Variants in PLEKHA7 observed in about 807,000 individuals in gnomAD.
PLEKHA7 encodes pleckstrin homology domain-containing family A member 7.
A neutral mutation model predicts 170.0 loss-of-function variants in PLEKHA7; 104 were observed. The observed-to-expected ratio is 0.61, with a 90% CI of 0.52 to 0.72. The LOEUF (loss-of-function observed/expected upper bound fraction) is 0.72. Among genes scored for constraint, PLEKHA7 ranks in the 30% least tolerant of loss-of-function variants. PLEKHA7 has a pLI of 0.00. For missense variants in PLEKHA7, 1,615 were observed against 1,671.7 expected, an observed-to-expected ratio of 0.97 and a Z score of 0.59; for synonymous variants, 648 against 660.8, an observed-to-expected ratio of 0.98 and a Z score of 0.30.
chr11:16,828,838 G>A (rs550337781), intron 9 of PLEKHA7, among the ~76,000 whole-genome samples: 1 of 152,176 alleles, frequency 6.6e-6, no homozygotes, highest in Admixed American at 6.5e-5. Flanking sequence ...CCTGGGACTT[G>A]GGTTGGAGCT....
At chr11:16,864,583 T>C (rs374462868) in intron 4 of PLEKHA7, among the ~76,000 whole-genome samples, 4 of 152,150 alleles carry the variant, frequency 2.6e-5, no homozygotes, top group South Asian at 2.1e-4. Flanking sequence ...TGGAAGGTAA[T>C]TGAATCATGG....
intron 26 of PLEKHA7, among the ~76,000 whole-genome samples, chr11:16,780,129 T>C (rs1048045673): frequency 6.6e-6 from 1 of 152,172 alleles, no homozygotes; most frequent in Non-Finnish European, 1.5e-5. Flanking sequence ...GATAGTGGGA[T>C]GGGATGTCAG....
At position 16,817,645 on chromosome 11, in the gene PLEKHA7, T is replaced by C. The variant is rs547885350; in HGVS notation, c.1344-323A>G. ...AGCTCTTTCAATGGCTATGCATATT[T>C]ATAGGAAAGGCCTCACAATTCTCCA... On this transcript the variant is annotated intron_variant, in intron 10 of 26. Coordinates refer to ENST00000531066, the MANE Select transcript of PLEKHA7 (RefSeq NM_001329630.2). The surrounding 1 kb of genome is among the most constrained non-coding windows in gnomAD (Gnocchi z 4.4). Among the ~76,000 whole-genome samples the C allele has an allele frequency of 6.6e-6, 1 of 152,324 alleles. No homozygotes were observed. The highest frequency in any genetic ancestry group is 1.9e-4 in the East Asian group (1 of 5,190).
At chr11:16,947,016 C>T (rs1861072448) in intron 3 of PLEKHA7, among the ~76,000 whole-genome samples, 1 of 152,184 alleles carries the variant, frequency 6.6e-6, no homozygotes, top group South Asian at 2.1e-4. Context: ...GCTGCGCCAG[C>T]ACCCCCTGGG....
chr11:16,910,011 T>C (rs1428858832), intron 3 of PLEKHA7, among the ~76,000 whole-genome samples: 2 of 148,750 alleles, frequency 1.3e-5, no homozygotes, highest in African/African-American at 5.0e-5. Context: ...AAATTTAAAG[T>C]GGGAGAGGGG....
rs564535407 is a variant in PLEKHA7 at position 16,868,429 on chromosome 11, C to T, written c.305+2670G>A. On this transcript the variant is annotated intron_variant, in intron 4 of 26. Transcript: ENST00000531066. ...ATTATTCCAAGCATCTCAGGTGAGT[C>T]CTACCTGCCAACAGTGGGGAGATGT... Among the ~76,000 whole-genome samples, 7 of 152,276 alleles carry T rather than the reference C, an allele frequency of 4.6e-5. No individual in the cohort carries two copies. The South Asian group carries it at 1.2e-3, about 27-fold the overall frequency.
At chr11:16,940,154 T>C (rs1268496085) in intron 3 of PLEKHA7, among the ~76,000 whole-genome samples, 2 of 152,218 alleles carry the variant, frequency 1.3e-5, no homozygotes, top group Admixed American at 1.3e-4. Flanking sequence ...GAAGTACCAC[T>C]TGTGTCTTCT....
intron 17 of PLEKHA7, among the ~76,000 whole-genome samples, chr11:16,799,245 T>C (rs1051217849): frequency 6.6e-6 from 1 of 152,222 alleles, no homozygotes; most frequent in Non-Finnish European, 1.5e-5. Context: ...TGCCAAATAA[T>C]GTGTAAGTGT....
At chr11:16,921,431 C>T (rs1450014257) in intron 3 of PLEKHA7, among the ~76,000 whole-genome samples, 1 of 152,142 alleles carries the variant, frequency 6.6e-6, no homozygotes, top group African/African-American at 2.4e-5. Context: ...GATGAGGGGG[C>T]AGAGAGGGGC....
At chr11:16,911,893 G>T (rs551140199) in intron 3 of PLEKHA7, among the ~76,000 whole-genome samples, 1 of 151,928 alleles carries the variant, frequency 6.6e-6, no homozygotes, top group Non-Finnish European at 1.5e-5. Flanking sequence ...TCCTCATCCC[G>T]TCCACGGCAC....
At chr11:16,787,194 G>C (rs1436901900) in intron 23 of PLEKHA7, 2 of 985,278 alleles carry the variant, frequency 2.0e-6, no homozygotes, top group African/African-American at 3.5e-5. Context: ...TTTGACCGCT[G>C]AGCAGGTTGT....
intron 9 of PLEKHA7, among the ~76,000 whole-genome samples, chr11:16,829,091 T>C (rs1409557592): frequency 6.6e-6 from 1 of 151,818 alleles, no homozygotes; most frequent in Non-Finnish European, 1.5e-5. Flanking sequence ...GCAGCCTTGA[T>C]CTGCTGGGCT....
intron 3 of PLEKHA7, among the ~76,000 whole-genome samples, chr11:16,888,434 C>T (rs970966284): frequency 6.6e-6 from 1 of 152,310 alleles, no homozygotes; most frequent in African/African-American, 2.4e-5. Flanking sequence ...ATGGAGAGGT[C>T]GGATTGTTGC....
intron 3 of PLEKHA7, among the ~76,000 whole-genome samples, chr11:17,001,942 G>A (rs899110135): frequency 2.6e-5 from 4 of 152,258 alleles, no homozygotes; most frequent in Non-Finnish European, 5.9e-5. Flanking sequence ...TATTGGAAAT[G>A]CTCTTCTGGC....
At chr11:16,801,964 G>T in intron 15 of PLEKHA7, 147 bp from the exon 16 acceptor site, 1 of 967,976 alleles carries the variant, frequency 1.0e-6, no homozygotes, top group Non-Finnish European at 1.5e-6. Context: ...GGGCTCTGAT[G>T]CCAGCTCTGA....
intron 3 of PLEKHA7, 124 bp downstream of exon 3, chr11:17,013,865 G>C (rs1278773777): frequency 1.7e-6 from 2 of 1,156,946 alleles, no homozygotes; most frequent in Non-Finnish European, 2.3e-6. Flanking sequence ...GTGTGGCCGC[G>C]GCGCAGCGCG....
At chr11:16,950,073 T>C (rs1171548780) in intron 3 of PLEKHA7, among the ~76,000 whole-genome samples, 1 of 53,108 alleles carries the variant, frequency 1.9e-5, no homozygotes, top group African/African-American at 7.9e-5. Context: ...CAGAGTAAAG[T>C]GTGTGTGGGG....
At chr11:16,895,244 G>C (rs1055640661) in intron 3 of PLEKHA7, among the ~76,000 whole-genome samples, 15 of 152,158 alleles carry the variant, frequency 9.9e-5, no homozygotes, top group Non-Finnish European at 2.9e-5. Flanking sequence ...TTTGTGTCTA[G>C]AAGTCCCAGC....
At position 16,786,258 on chromosome 11, in the gene PLEKHA7, G is replaced by C. The variant is rs1462127598; in HGVS notation, c.3487C>G (p.Gln1163Glu). Residue 1163 changes from glutamine to glutamate, a missense_variant, in exon 24 of 27, where the codon CAA (glutamine) becomes GAA (glutamate). Transcript: ENST00000531066. ...CTGCTGATGTCCAAGTCATAGTCTT[G>C]AGGCTCCAGGTCCAACTCAGTGACA... The part of the protein sequence containing the change: ...MPVTELDLEP[Q>E]DYDLDISREL... The C allele has an allele frequency of 6.5e-7, 1 of 1,536,134 alleles. No individual in the cohort carries two copies. Among genetic ancestry groups the C allele is most frequent in the Admixed American group, 2.0e-5 (1 of 50,998 alleles).
Sources: gnomAD v4.1 joint callset for allele counts (sites outside exome capture counted in the v4.1 genomes callset) on GRCh38, gnomAD v4.1.1 for gene constraint, Gnocchi (gnomAD v3.1) non-coding constraint, MANE v1.5 for transcripts, NCBI Gene and HGNC (gene_info 2026-07-23, HGNC 2026-07-21) for gene names.